WWOX: variants seen among roughly 807,000 people sequenced by gnomAD.
WWOX encodes WW domain-containing oxidoreductase.
In WWOX, 69 loss-of-function variants were observed where a neutral mutation model predicts 46.2. The ratio of observed to expected loss-of-function variants is 1.49; its 90% CI spans 1.23 to 1.82. The LOEUF (loss-of-function observed/expected upper bound fraction) is 1.82. Ranked by LOEUF, WWOX falls within the 40% of genes most tolerant of loss-of-function variation. WWOX has a pLI of 0.00. For synonymous variants in WWOX, 359 were observed against 202.6 expected, an observed-to-expected ratio of 1.77 and a Z score of -6.56; for missense variants, 919 against 542.6, an observed-to-expected ratio of 1.69 and a Z score of -6.89.
intron 8 of WWOX, among the ~76,000 whole-genome samples, chr16:78,940,700 G>C (rs983096891): frequency 7.7e-6 from 1 of 130,446 alleles, no homozygotes; most frequent in African/African-American, 2.9e-5. Context: ...CCTTTTGAAT[G>C]ACCACAAAGC....
intron 8 of WWOX, among the ~76,000 whole-genome samples, chr16:79,199,870 A>C (rs941023479): frequency 5.3e-5 from 8 of 152,196 alleles, no homozygotes; most frequent in Non-Finnish European, 1.0e-4. Flanking sequence ...AAGAGGATGA[A>C]TCCTAACAGG....
intron 8 of WWOX, among the ~76,000 whole-genome samples, chr16:78,957,337 A>G (rs1463858193): frequency 2.0e-5 from 3 of 152,234 alleles, no homozygotes; most frequent in East Asian, 1.9e-4. Context: ...TGAGATCACA[A>G]GAAAGAATTA....
chr16:78,605,585 C>A (rs1326530872), intron 8 of WWOX, among the ~76,000 whole-genome samples: 1 of 152,142 alleles, frequency 6.6e-6, no homozygotes. Context: ...CCAATGCCTG[C>A]CCTTTCTAGA....
intron 8 of WWOX, among the ~76,000 whole-genome samples, chr16:78,548,611 C>T (rs2044103709): frequency 6.6e-6 from 1 of 152,182 alleles, no homozygotes; most frequent in South Asian, 2.1e-4. Flanking sequence ...AACTGATGGG[C>T]CGGTTGACTC....
chr16:78,925,163 C>T (rs138075652), intron 8 of WWOX, among the ~76,000 whole-genome samples: 1 of 152,164 alleles, frequency 6.6e-6, no homozygotes, highest in South Asian at 2.1e-4. Flanking sequence ...CCACTGCACT[C>T]CAGACTGCAT....
intron 8 of WWOX, among the ~76,000 whole-genome samples, chr16:79,138,259 G>T (rs2050021433): frequency 6.6e-6 from 1 of 152,194 alleles, no homozygotes; most frequent in Non-Finnish European, 1.5e-5. Flanking sequence ...AGAGCAAGGT[G>T]CTGTACTCAT....
intron 4 of WWOX, among the ~76,000 whole-genome samples, chr16:78,144,113 A>G (rs1022587794): frequency 2.0e-5 from 3 of 151,944 alleles, no homozygotes; most frequent in Non-Finnish European, 1.5e-5. Context: ...GGCTCAGGCA[A>G]TTTGTCAGTC....
rs1326799649 is a variant in WWOX, at chr16:78,691,653, A to G, written c.1056+258901A>G. ...AGCCTAGGAGGTTGAGAGTGCAGTG[A>G]GCCGTGTTGCTGCCACTGTACTCCA... On this transcript the variant is annotated intron_variant, in intron 8 of 8. Transcript: ENST00000566780. Among the ~76,000 whole-genome samples the G allele has an allele frequency of 3.3e-5, 5 of 152,308 alleles. No individual in the cohort carries two copies. The East Asian group carries it at 9.6e-4, about 29-fold the overall frequency.
intron 8 of WWOX, among the ~76,000 whole-genome samples, chr16:78,742,311 C>G (rs773484399): frequency 4.6e-5 from 7 of 152,190 alleles, no homozygotes; most frequent in Non-Finnish European, 7.3e-5. Context: ...TGTGACCCAT[C>G]AGGGCTTCAG....
At chr16:78,662,393 G>T (rs971729337) in intron 8 of WWOX, among the ~76,000 whole-genome samples, 2 of 152,112 alleles carry the variant, frequency 1.3e-5, no homozygotes, top group Admixed American at 6.5e-5. Flanking sequence ...TCTTTCGTTT[G>T]TTCTGTTTCC....
chr16:78,865,787 G>T (rs1364362463), intron 8 of WWOX, among the ~76,000 whole-genome samples: 6 of 152,192 alleles, frequency 3.9e-5, no homozygotes. Flanking sequence ...GACGGAGGCA[G>T]GAGAATCACT....
At chr16:78,579,669 A>C (rs558802743) in intron 8 of WWOX, among the ~76,000 whole-genome samples, 1 of 152,216 alleles carries the variant, frequency 6.6e-6, no homozygotes, top group Non-Finnish European at 1.5e-5. Context: ...CTCTGTCTCT[A>C]TCACATTACC....
At chr16:78,467,092 A>T (rs76787879) in intron 8 of WWOX, among the ~76,000 whole-genome samples, 1 of 152,210 alleles carries the variant, frequency 6.6e-6, no homozygotes, top group Non-Finnish European at 1.5e-5. Context: ...TAATGTATAC[A>T]TTGAAAAATC....
At chr16:78,846,785 A>G (rs1344582821) in intron 8 of WWOX, among the ~76,000 whole-genome samples, 1 of 151,992 alleles carries the variant, frequency 6.6e-6, no homozygotes, top group Non-Finnish European at 1.5e-5. Flanking sequence ...CCCTCTGGGG[A>G]TCTTGCCTGC....
intron 5 of WWOX, among the ~76,000 whole-genome samples, chr16:78,249,151 C>T (rs1473838131): frequency 1.3e-5 from 2 of 152,124 alleles, no homozygotes; most frequent in African/African-American, 4.8e-5. Flanking sequence ...CCGTGTCTGG[C>T]GTCATGCCCC....
At chr16:78,644,127 C>T (rs184362098) in intron 8 of WWOX, among the ~76,000 whole-genome samples, 56 of 152,176 alleles carry the variant, frequency 3.7e-4, no homozygotes, top group Admixed American at 4.6e-4. Flanking sequence ...AAGGCTGAGG[C>T]GGGAGAATCA....
rs1210295941 is a variant in WWOX, at chr16:78,453,644, G to T, written c.1056+20892G>T. On this transcript the variant is annotated intron_variant, in intron 8 of 8. Transcript: ENST00000566780. ...TCAGCCCTGCTATTTTTATCCTGAA[G>T]ATTTTTTTTTTACTCTGTTTATGAA... Among the ~76,000 whole-genome samples the T allele has an allele frequency of 3.9e-5, 6 of 151,988 alleles. No homozygotes were observed. In the South Asian group the frequency reaches 1.2e-3, roughly 32 times the overall value.
intron 5 of WWOX, among the ~76,000 whole-genome samples, chr16:78,356,406 T>C (rs970107472): frequency 6.6e-6 from 1 of 152,174 alleles, no homozygotes; most frequent in Non-Finnish European, 1.5e-5. Context: ...TGCTTAACTT[T>C]CCTGTGGATT....
chr16:78,248,016 A>G (rs1213137401), intron 5 of WWOX, among the ~76,000 whole-genome samples: 2 of 152,208 alleles, frequency 1.3e-5, no homozygotes, highest in East Asian at 3.8e-4. Flanking sequence ...GATGCTAAGT[A>G]CTAACATTGA....
Sources: allele counts gnomAD v4.1 joint callset (sites outside exome capture counted in the v4.1 genomes callset), GRCh38; gene constraint gnomAD v4.1.1; transcripts MANE v1.5; gene names NCBI Gene and HGNC (gene_info 2026-07-23, HGNC 2026-07-21).